Variants in ARMC8 observed in about 807,000 individuals in gnomAD.
ARMC8 encodes the protein armadillo repeat-containing protein 8.
A neutral mutation model predicts 99.3 loss-of-function variants in ARMC8; 20 were observed. That is an observed-to-expected ratio of 0.20 (90% CI 0.14 to 0.29). ARMC8 has a LOEUF of 0.29. ARMC8 is among the 10% of genes least tolerant of loss of function. The pLI, the probability that ARMC8 is intolerant of heterozygous loss-of-function variation, is 1.00. For synonymous variants in ARMC8, 263 were observed against 278.3 expected (o/e 0.95, Z 0.55); for missense variants, 569 against 809.5 (o/e 0.70, Z 3.60).
At chr3:138,230,288 A>C (rs1420383354) in intron 6 of ARMC8, among the ~76,000 whole-genome samples, 2 of 152,308 alleles carry the variant, frequency 1.3e-5, no homozygotes, top group South Asian at 2.1e-4. Flanking sequence ...ATTTCCCAAC[A>C]ACAAAATGAC....
At chr3:138,200,682 G>A (rs2044003376) in intron 1 of ARMC8, among the ~76,000 whole-genome samples, 1 of 151,968 alleles carries the variant, frequency 6.6e-6, no homozygotes, top group Admixed American at 6.6e-5. Flanking sequence ...CTTTCTGAGT[G>A]ATGTGTGTGT....
rs1553745519 is a variant in ARMC8, at chr3:138,188,392, T to TTTA, written c.45+793_45+794insTTA. On this transcript the variant is annotated intron_variant, in intron 1 of 21. Coordinates refer to ENST00000469044, the MANE Select transcript of ARMC8 (RefSeq NM_001363941.2). ...AAGTAAAACCTGTTTTTTTTTTTTT[T>TTTA]AAAAAAAGTTTTTTTAAAGAAAAAG... 76 of 1,440,024 alleles carry TTTA rather than the reference T, an allele frequency of 5.3e-5. No homozygotes were observed. The African/African-American group carries it at 9.6e-4, about 18-fold the overall frequency. 89.2% of individuals were successfully genotyped at this position (1,440,024 alleles called of 1,614,324 possible). A position where few individuals can be genotyped will look rare whatever the true frequency, so the allele number is the denominator to read the frequency against.
chr3:138,187,728 AGGGAG>A (rs2043143690), intron 1 of ARMC8, 129 bp downstream of exon 1: 7 of 1,037,852 alleles, frequency 6.7e-6, no homozygotes, highest in Middle Eastern at 2.6e-4. Context: ...GTCTCGGGCC[AGGGAG>A]TGAGCGAGGG....
At chr3:138,221,858 T>C (rs2045416043) in intron 2 of ARMC8, 68 bp from the exon 3 acceptor site, 2 of 1,200,346 alleles carry the variant, frequency 1.7e-6, no homozygotes, top group Non-Finnish European at 2.5e-6. Flanking sequence ...CATAATGAAG[T>C]AGAATGATCT....
intron 18 of ARMC8, among the ~76,000 whole-genome samples, chr3:138,275,572 T>C (rs549357212): frequency 1.3e-5 from 2 of 151,362 alleles, no homozygotes; most frequent in African/African-American, 4.9e-5. Flanking sequence ...AAAAAAAAAA[T>C]TCATTAAGCT....
chr3:138,235,066 C>T lies in ARMC8; in HGVS notation c.561C>T (p.His187=), dbSNP rs370035658. Residue 187 remains histidine, a synonymous_variant, in exon 7 of 22, where the codon CAC becomes CAT. Coordinates refer to ENST00000469044, the MANE Select transcript of ARMC8 (RefSeq NM_001363941.2). ...ATCATCAAACAATTTTATTTAACCA[C>T]GGTGCAGTTCAGAATATTGCTCACC... The part of the protein sequence containing the change: ...GPDHQTILFN[H]GAVQNIAHLL... The T allele has an allele frequency of 2.6e-5, 42 of 1,613,658 alleles. No individual in the cohort carries two copies. The highest frequency in any genetic ancestry group is 6.7e-5 in the African/African-American group (5 of 74,860).
chr3:138,208,337 G>A (rs1031067957), intron 1 of ARMC8, among the ~76,000 whole-genome samples: 38 of 152,168 alleles, frequency 2.5e-4, no homozygotes, highest in African/African-American at 4.3e-4. Flanking sequence ...GTGGTGGTGC[G>A]CGCCTGTAAT....
rs2045526406 is a variant in ARMC8, at chr3:138,223,677, C to G, written c.379C>G (p.Arg127Gly). The change falls in exon 5 of 22, where the codon CGA becomes GGA. Residue 127 changes from arginine to glycine, a missense_variant. Arg to Gly is a moderately radical substitution (Grantham distance 125). Transcript: ENST00000469044. ...CCTGAAGTTTATTGAAGCTTGCCTC[C>G]GATGCCTGCGTACCATCTTCACCAG... ...PDLKFIEACL[R>G]CLRTIFTSPV... The G allele has an allele frequency of 6.2e-7, 1 of 1,614,168 alleles. No homozygotes were observed.
chr3:138,271,826 C>T (rs1200818842), intron 16 of ARMC8, among the ~76,000 whole-genome samples: 3 of 134,906 alleles, frequency 2.2e-5, no homozygotes, highest in East Asian at 2.0e-4. Context: ...TACAGAGTCT[C>T]GCTTAGTTGC....
chr3:138,255,733 A>G (rs2047366921), intron 12 of ARMC8, among the ~76,000 whole-genome samples: 2 of 152,248 alleles, frequency 1.3e-5, no homozygotes, highest in African/African-American at 4.8e-5. Context: ...TAATCCCAGC[A>G]CTTTGGGAGG....
chr3:138,296,040 C>A lies in ARMC8; in HGVS notation c.*148C>A. 1 of 618,556 alleles carries A rather than the reference C, an allele frequency of 1.6e-6. No homozygotes were observed. Among genetic ancestry groups the A allele is most frequent in the Non-Finnish European group, 2.6e-6 (1 of 382,346 alleles). The allele number at this position is 618,556 out of a possible 1,614,324, so 38.3% of individuals were successfully genotyped here. On this transcript the variant is annotated 3_prime_UTR_variant, in exon 22 of 22. Coordinates refer to ENST00000469044, the MANE Select transcript of ARMC8 (RefSeq NM_001363941.2). Reference sequence around the variant, plus strand: ...AAAGCAGTTTAGTAGGCTTAGATCTCAAATTCATCTTGAGAACATTTTTTT... The same window carrying A: ...AAAGCAGTTTAGTAGGCTTAGATCTAAAATTCATCTTGAGAACATTTTTTT...
At chr3:138,238,766 C>A (rs1181900492) in intron 9 of ARMC8, 1 of 152,046 alleles carries the variant, frequency 6.6e-6, no homozygotes, top group Non-Finnish European at 1.5e-5. Flanking sequence ...CGGTAGAAGC[C>A]AACGTGAGAT....
intron 15 of ARMC8, among the ~76,000 whole-genome samples, 192 bp from the exon 16 acceptor site, chr3:138,269,848 G>C (rs2048622590): frequency 6.8e-6 from 1 of 146,048 alleles, no homozygotes; most frequent in Non-Finnish European, 1.5e-5. Context: ...TGGCTTTTCG[G>C]ATTTATGAGA....
At chr3:138,259,629 C>G (rs1019153445) in intron 12 of ARMC8, among the ~76,000 whole-genome samples, 2 of 152,184 alleles carry the variant, frequency 1.3e-5, no homozygotes, top group Admixed American at 1.3e-4. Flanking sequence ...TTCAGGCCTT[C>G]TGCTATAGAC....
chr3:138,264,322 C>T, intron 14 of ARMC8, 110 bp downstream of exon 14: 3 of 743,458 alleles, frequency 4.0e-6, no homozygotes, highest in Non-Finnish European at 6.7e-6. Context: ...TTGTGTAGAG[C>T]ATTTTGAACG....
intron 1 of ARMC8, among the ~76,000 whole-genome samples, chr3:138,200,145 T>C (rs977099298): frequency 6.6e-6 from 1 of 152,226 alleles, no homozygotes; most frequent in Non-Finnish European, 1.5e-5. Context: ...AAAAAGTTGA[T>C]ATAATGCTCC....
rs541963115 is a variant in ARMC8 at position 138,296,744 on chromosome 3, G to A, written c.*852G>A. 1 of 152,268 alleles carries A rather than the reference G, an allele frequency of 6.6e-6. No individual in the cohort carries two copies. The highest frequency in any genetic ancestry group is 1.5e-5 in the Non-Finnish European group (1 of 68,030). The allele number at this position is 152,268 out of a possible 1,614,324, so 9.4% of individuals were successfully genotyped here. A position where few individuals can be genotyped will look rare whatever the true frequency, so the allele number is the denominator to read the frequency against. On this transcript the variant is annotated 3_prime_UTR_variant, in exon 22 of 22. Transcript: ENST00000469044. ...AAAGTGAGGCAACAGATTCACCATA[G>A]GCTTTTTGAAGCATCAAAGGGAAAT...
intron 1 of ARMC8, among the ~76,000 whole-genome samples, chr3:138,206,851 C>T (rs969331985): frequency 1.3e-5 from 2 of 152,326 alleles, no homozygotes; most frequent in East Asian, 1.9e-4. Context: ...GCTGTCTGAG[C>T]AACTTATATG....
At chr3:138,230,916 A>G (rs1037356089) in intron 6 of ARMC8, among the ~76,000 whole-genome samples, 8 of 152,226 alleles carry the variant, frequency 5.3e-5, no homozygotes, top group African/African-American at 1.9e-4. Context: ...CTGAAATTAT[A>G]GAGTACCATT....
Sources: gnomAD v4.1 joint callset for allele counts (sites outside exome capture counted in the v4.1 genomes callset) on GRCh38, gnomAD v4.1.1 for gene constraint, MANE v1.5 for transcripts, NCBI Gene and HGNC (gene_info 2026-07-23, HGNC 2026-07-21) for gene names.